The following TSPAN15 variants were observed in gnomAD, a reference collection of about 807,000 sequenced individuals.
The protein encoded by TSPAN15 is tetraspanin-15.
In TSPAN15, 20 loss-of-function variants were observed where a neutral mutation model predicts 34.5. That is an observed-to-expected ratio of 0.58 (90% CI 0.41 to 0.84). TSPAN15 has a LOEUF of 0.84. Among genes scored for constraint, TSPAN15 ranks in the 40% least tolerant of loss-of-function variants. TSPAN15 has a pLI of 0.00. For missense variants in TSPAN15, 313 were observed against 386.1 expected (o/e 0.81, Z 1.59); for synonymous variants, 155 against 153.9 (o/e 1.01, Z -0.05).
intron 1 of TSPAN15, among the ~76,000 whole-genome samples, chr10:69,462,155 G>GTTTTTTTTTTT (rs755068937): frequency 1.6e-4 from 13 of 82,704 alleles, no homozygotes; most frequent in African/African-American, 4.5e-4. Flanking sequence ...TAATTTTAAA[G>GTTTTTTTTTTT]TTTTTTTTTT....
At chr10:69,478,509 G>A (rs1385756800) in intron 1 of TSPAN15, among the ~76,000 whole-genome samples, 1 of 152,064 alleles carries the variant, frequency 6.6e-6, no homozygotes, top group Non-Finnish European at 1.5e-5. Context: ...GATGTTCTGC[G>A]CTCTCCCTCT....
chr10:69,502,094 A>G (rs939325365), intron 5 of TSPAN15, among the ~76,000 whole-genome samples: 4 of 152,034 alleles, frequency 2.6e-5, no homozygotes, highest in African/African-American at 4.8e-5. Flanking sequence ...AAAGGGAGAC[A>G]TGGTCTGTTA....
At chr10:69,509,374 T>A (rs2133176349), downstream of TSPAN15, among the ~76,000 whole-genome samples, 1 of 152,276 alleles carries the variant, frequency 6.6e-6, no homozygotes, top group Middle Eastern at 3.4e-3. Flanking sequence ...ATAAATATCT[T>A]ATTTTTTTTG....
intron 1 of TSPAN15, among the ~76,000 whole-genome samples, chr10:69,479,037 C>T (rs1312901757): frequency 1.3e-5 from 2 of 152,222 alleles, no homozygotes; most frequent in Non-Finnish European, 2.9e-5. Flanking sequence ...TGAGAGCTCC[C>T]TAAATTCCAT....
intron 1 of TSPAN15, among the ~76,000 whole-genome samples, chr10:69,460,283 G>A (rs967496167): frequency 6.6e-6 from 1 of 152,034 alleles, no homozygotes; most frequent in Non-Finnish European, 1.5e-5. Flanking sequence ...CAACAGGCAC[G>A]CGGGGCCAGG....
At chr10:69,476,100 C>T (rs1228472161) in intron 1 of TSPAN15, among the ~76,000 whole-genome samples, 4 of 151,842 alleles carry the variant, frequency 2.6e-5, no homozygotes, top group Admixed American at 6.6e-5. Context: ...GATTTCCTCC[C>T]GAGACTTGAG....
At chr10:69,544,629 C>T in the TSPAN15 span, among the ~76,000 whole-genome samples, 1 of 152,234 alleles carries the variant, frequency 6.6e-6, no homozygotes, top group Admixed American at 6.5e-5. Context: ...TAGCTTAGTC[C>T]TCTCTTTTCC....
At chr10:69,453,003 T>G (rs771366898) in intron 1 of TSPAN15, among the ~76,000 whole-genome samples, 3 of 152,230 alleles carry the variant, frequency 2.0e-5, no homozygotes, top group African/African-American at 4.8e-5. Flanking sequence ...TACTGACTTA[T>G]GGATATCTTA....
At position 69,451,555 on chromosome 10, in the gene TSPAN15, AG is replaced by A. The variant is rs1329147737; in HGVS notation, c.-39del. ...CGCTGGCTGAGGGACCGAGCCGGAG[AG>A]CCCCGGAGCCCCCGTAACCCGCGCG... On this transcript the variant is annotated 5_prime_UTR_variant, in exon 1 of 8. Coordinates refer to ENST00000373290, the MANE Select transcript of TSPAN15 (RefSeq NM_012339.5). 3.0e-6 allele frequency: 4 copies of A among 1,355,528 alleles called. No homozygotes were observed. The highest frequency in any genetic ancestry group is 2.9e-6 in the Non-Finnish European group (3 of 1,050,994). The allele number at this position is 1,355,528 out of a possible 1,614,324, so 84.0% of individuals were successfully genotyped here. A position where few individuals can be genotyped will look rare whatever the true frequency, so the allele number is the denominator to read the frequency against.
chr10:69,482,528 G>A (rs1028177182), intron 1 of TSPAN15, among the ~76,000 whole-genome samples: 9 of 152,352 alleles, frequency 5.9e-5, no homozygotes, highest in African/African-American at 2.2e-4. Context: ...ATGGTACTGT[G>A]TGAAATGTCT....
chr10:69,507,110 C>T lies in TSPAN15; in HGVS notation c.*132C>T. 6.7e-7 allele frequency: 1 copy of T among 1,484,216 alleles called. No homozygotes were observed. The highest frequency in any genetic ancestry group is 8.9e-7 in the Non-Finnish European group (1 of 1,120,288). The allele number at this position is 1,484,216 out of a possible 1,614,324, so 91.9% of individuals were successfully genotyped here. A position where few individuals can be genotyped will look rare whatever the true frequency, so the allele number is the denominator to read the frequency against. On this transcript the variant is annotated 3_prime_UTR_variant, in exon 8 of 8. Transcript: ENST00000373290. ...CTGACCAAAGCCAGGGCTGTGTGTG[C>T]CTGTGTGTAGGTCCCACGGCCTCTG... is the stretch of plus-strand genomic sequence containing the variant.
intron 1 of TSPAN15, among the ~76,000 whole-genome samples, chr10:69,479,392 G>C (rs1841683606): frequency 6.6e-6 from 1 of 152,242 alleles, no homozygotes; most frequent in Admixed American, 6.5e-5. Flanking sequence ...GGTTCATGCT[G>C]GGCCACAGGG....
intron 1 of TSPAN15, among the ~76,000 whole-genome samples, chr10:69,463,420 T>C (rs1841313550): frequency 6.6e-6 from 1 of 152,130 alleles, no homozygotes; most frequent in Non-Finnish European, 1.5e-5. Flanking sequence ...GGGATCATGG[T>C]GGTAAGCTAG....
At chr10:69,544,379 C>T in the TSPAN15 span, among the ~76,000 whole-genome samples, 2 of 152,192 alleles carry the variant, frequency 1.3e-5, no homozygotes, top group African/African-American at 2.4e-5. Flanking sequence ...GCCTTGGGCT[C>T]TCTGGGGTGG....
chr10:69,474,618 C>G (rs1160962154), intron 1 of TSPAN15, among the ~76,000 whole-genome samples: 1 of 152,014 alleles, frequency 6.6e-6, no homozygotes, highest in African/African-American at 2.4e-5. Context: ...CAGTCCTGGC[C>G]AGAGGAAGGA....
chr10:69,542,784 T>C, the TSPAN15 span, among the ~76,000 whole-genome samples: 1 of 152,214 alleles, frequency 6.6e-6, no homozygotes, highest in African/African-American at 2.4e-5. Flanking sequence ...GGGTCCCTCC[T>C]ATGTCATGTG....
the TSPAN15 span, among the ~76,000 whole-genome samples, chr10:69,527,217 C>G: frequency 1.4e-5 from 2 of 148,006 alleles, no homozygotes; most frequent in Non-Finnish European, 3.0e-5. Context: ...AAACTTTTGG[C>G]TTCCCTGGGC....
chr10:69,479,612 C>G (rs1328118889), intron 1 of TSPAN15, among the ~76,000 whole-genome samples: 1 of 152,244 alleles, frequency 6.6e-6, no homozygotes, highest in African/African-American at 2.4e-5. Context: ...GGCCGGCTGC[C>G]TAGTGGAAGG....
intron 1 of TSPAN15, among the ~76,000 whole-genome samples, chr10:69,457,648 T>C (rs554925241): frequency 6.6e-6 from 1 of 152,328 alleles, no homozygotes; most frequent in South Asian, 2.1e-4. Context: ...TTATTAGAGC[T>C]TGGCCTGTGA....
Sources: gnomAD v4.1 joint callset for allele counts (sites outside exome capture counted in the v4.1 genomes callset) on GRCh38, gnomAD v4.1.1 for gene constraint, MANE v1.5 for transcripts, NCBI Gene and HGNC (gene_info 2026-07-23, HGNC 2026-07-21) for gene names.